USP37: variants seen among roughly 807,000 people sequenced by gnomAD.
USP37 encodes ubiquitin specific peptidase 37, also known as ubiquitin carboxyl-terminal hydrolase 37.
In USP37, 27 loss-of-function variants were observed where a neutral mutation model predicts 124.0. That is an observed-to-expected ratio of 0.22 (90% CI 0.16 to 0.30). The LOEUF is 0.30. Among genes scored for constraint, USP37 ranks in the 10% least tolerant of loss-of-function variants. USP37 has a pLI of 1.00. For synonymous variants in USP37, 365 were observed against 388.0 expected (o/e 0.94, Z 0.70); for missense variants, 889 against 1,140.4 (o/e 0.78, Z 3.17).
At chr2:218,536,689 A>G (rs1691666999) in intron 8 of USP37, among the ~76,000 whole-genome samples, 1 of 152,146 alleles carries the variant, frequency 6.6e-6, no homozygotes, top group African/African-American at 2.4e-5. Flanking sequence ...CTCTGGGAGT[A>G]CTTCCTTAGT....
chr2:218,567,163 T>G (rs1253380811), intron 1 of USP37, among the ~76,000 whole-genome samples: 1 of 152,080 alleles, frequency 6.6e-6, no homozygotes, highest in Non-Finnish European at 1.5e-5. Flanking sequence ...AAATACTCAT[T>G]TTACTTCATC....
In USP37 at chr2:218,458,938, C is replaced by T. The variant is rs111237655; in HGVS notation, c.2643+852G>A. ...GCAAATGAAATAAAAACTATACTTA[C>T]GACTTTTTAAAAAGTATACATGGAG... On this transcript the variant is annotated intron_variant, in intron 23 of 25. Transcript: ENST00000258399. Among the ~76,000 whole-genome samples the T allele has an allele frequency of 4.6e-3, 697 of 151,924 alleles. 2 individuals carry two copies. The highest frequency in any genetic ancestry group is 0.017 in the Middle Eastern group (5 of 294).
At position 218,547,364 on chromosome 2, in the gene USP37, CTA is replaced by C. The variant is rs1184471799; in HGVS notation, c.430-275_430-274del. Reference sequence around the variant, plus strand: ...AAAAAATACAAATGGAGATACATCTCTAGAGATTCTATTCTAGTTGATCTGCG... The same window carrying C: ...AAAAAATACAAATGGAGATACATCTCGAGATTCTATTCTAGTTGATCTGCG... On this transcript the variant is annotated intron_variant, in intron 6 of 25. Transcript: ENST00000258399. 3.3e-5 allele frequency among the ~76,000 whole-genome samples: 5 copies of C among 152,024 alleles called. No homozygotes were observed. The East Asian group carries it at 9.6e-4, about 29-fold the overall frequency.
At chr2:218,533,589 C>T (rs945294963) in intron 9 of USP37, among the ~76,000 whole-genome samples, 1 of 152,126 alleles carries the variant, frequency 6.6e-6, no homozygotes, top group Non-Finnish European at 1.5e-5. Flanking sequence ...ATTATAAAAG[C>T]TGAGAGACAA....
chr2:218,520,342 CA>C (rs767167730), intron 10 of USP37, among the ~76,000 whole-genome samples: 8 of 142,260 alleles, frequency 5.6e-5, no homozygotes, highest in Non-Finnish European at 9.2e-5. Context: ...ACCTTGCCAA[CA>C]GCTTTTTTTT....
At position 218,450,445 on chromosome 2, in the gene USP37, T is replaced by G. The variant is rs927581869; in HGVS notation, c.*4485A>C. On this transcript the variant is annotated 3_prime_UTR_variant, in exon 26 of 26. Transcript: ENST00000258399. Reference sequence around the variant, plus strand: ...CTCTGAACATAAAGAAAAAAAATCATCTCACAAATAATGTGGCCACAGCTG... The same window carrying G: ...CTCTGAACATAAAGAAAAAAAATCAGCTCACAAATAATGTGGCCACAGCTG... 1 of 152,602 alleles carries G rather than the reference T, an allele frequency of 6.6e-6. No individual in the cohort carries two copies. The highest frequency in any genetic ancestry group is 6.6e-5 in the Admixed American group (1 of 15,266). The allele number at this position is 152,602 out of a possible 1,614,324, so 9.5% of individuals were successfully genotyped here.
At chr2:218,547,973 T>C (rs530539312) in intron 6 of USP37, among the ~76,000 whole-genome samples, 9 of 152,362 alleles carry the variant, frequency 5.9e-5, no homozygotes, top group Non-Finnish European at 1.2e-4. Flanking sequence ...GATTTTTCTA[T>C]AGAAGTTATG....
intron 21 of USP37, among the ~76,000 whole-genome samples, chr2:218,465,500 G>A (rs1170854213): frequency 6.6e-6 from 1 of 152,140 alleles, no homozygotes; most frequent in African/African-American, 2.4e-5. Flanking sequence ...TCCTGTTTTA[G>A]CAAGCAATGA....
chr2:218,529,934 A>T (rs1483967388), intron 10 of USP37, 22 bp downstream of exon 10: 1 of 1,571,034 alleles, frequency 6.4e-7, no homozygotes, highest in South Asian at 1.2e-5. Context: ...AGTTTTTCAC[A>T]AGTAATATAA....
In USP37 at chr2:218,453,753, T is replaced by C. The variant is rs954018714; in HGVS notation, c.*1177A>G. On this transcript the variant is annotated 3_prime_UTR_variant, in exon 26 of 26. Coordinates refer to ENST00000258399, the MANE Select transcript of USP37 (RefSeq NM_020935.3). ...CTTTGTTATTTGTTAGTTTTTGGGA[T>C]TACCTAAGCCAATCACATTTTAATT... 6.6e-6 allele frequency: 1 copy of C among 152,224 alleles called. No homozygotes were observed. The highest frequency in any genetic ancestry group is 2.4e-5 in the African/African-American group (1 of 41,456). The allele number at this position is 152,224 out of a possible 1,614,324, so 9.4% of individuals were successfully genotyped here. A position where few individuals can be genotyped will look rare whatever the true frequency, so the allele number is the denominator to read the frequency against.
intron 23 of USP37, among the ~76,000 whole-genome samples, chr2:218,459,403 C>G (rs1689883620): frequency 6.6e-6 from 1 of 152,168 alleles, no homozygotes; most frequent in Non-Finnish European, 1.5e-5. Context: ...CAGGGTTTCA[C>G]CATGTTGGTC....
chr2:218,562,664 A>AT lies in USP37; in HGVS notation c.-89+8dup, dbSNP rs1457937346. On this transcript the variant is annotated intron_variant, in intron 2 of 25. Transcript: ENST00000258399. ...TGAAACATATATCCAAAACAAAAAC[A>AT]TTACTTACTTTTCAGTGACTTTTAC... The AT allele has an allele frequency of 7.5e-6, 3 of 398,334 alleles. No homozygotes were observed. The highest frequency in any genetic ancestry group is 6.2e-5 in the African/African-American group (3 of 48,608). 24.7% of individuals were successfully genotyped at this position (398,334 alleles called of 1,614,324 possible).
At chr2:218,537,734 A>C (rs1208816991) in intron 8 of USP37, among the ~76,000 whole-genome samples, 2 of 152,134 alleles carry the variant, frequency 1.3e-5, no homozygotes, top group African/African-American at 4.8e-5. Flanking sequence ...AGACAGGCTC[A>C]GTTGAGCCAA....
At chr2:218,521,563 T>A (rs1422384811) in intron 10 of USP37, among the ~76,000 whole-genome samples, 2 of 152,210 alleles carry the variant, frequency 1.3e-5, no homozygotes, top group East Asian at 3.9e-4. Flanking sequence ...ATTGTTCAAC[T>A]GCCACTTATG....
rs1306457609 is a variant in USP37, at chr2:218,495,827, T to C, written c.1405A>G (p.Arg469Gly). 2 of 1,614,064 alleles carry C rather than the reference T, an allele frequency of 1.2e-6. No individual in the cohort carries two copies. Among genetic ancestry groups the C allele is most frequent in the Non-Finnish European group, 1.7e-6 (2 of 1,180,046 alleles). ...GTAATAACAGGGCAAGTGTATGCTC[T>C]GGTAGCTGAAATATCTGGTGAATTT... The part of the protein sequence containing the change: ...EENSPDISAT[R>G]AYTCPVITNL... The change falls in exon 14 of 26, where the codon AGA (arginine) becomes GGA (glycine). Residue 469 changes from arginine to glycine, a missense_variant. Arg to Gly is a moderately radical substitution (Grantham distance 125). Around this residue, in one of 3 missense-constraint regions of USP37, gnomAD observed 504 missense variants for 714.3 expected, o/e 0.71. Coordinates refer to ENST00000258399, the MANE Select transcript of USP37 (RefSeq NM_020935.3).
intron 7 of USP37, 58 bp downstream of exon 7, chr2:218,546,861 A>T (rs1224684243): frequency 1.3e-6 from 2 of 1,553,940 alleles, no homozygotes; most frequent in Middle Eastern, 1.7e-4. Flanking sequence ...GGTATTTCTA[A>T]AAGGCCTAAA....
At chr2:218,527,441 G>A (rs549652959) in intron 10 of USP37, among the ~76,000 whole-genome samples, 2 of 152,218 alleles carry the variant, frequency 1.3e-5, no homozygotes, top group South Asian at 4.1e-4. Flanking sequence ...TCCCAATCTC[G>A]TGCTGGTTTG....
intron 10 of USP37, among the ~76,000 whole-genome samples, chr2:218,524,312 C>CT (rs1464703679): frequency 5.3e-5 from 8 of 152,164 alleles, no homozygotes; most frequent in African/African-American, 1.4e-4. Flanking sequence ...CTTGCCAAGA[C>CT]TAGTCTTGAA....
At chr2:218,475,695 A>C (rs1690930564) in intron 19 of USP37, among the ~76,000 whole-genome samples, 1 of 152,184 alleles carries the variant, frequency 6.6e-6, no homozygotes, top group Non-Finnish European at 1.5e-5. Flanking sequence ...ACACCACTGC[A>C]CTCCAGCCTG....
Sources: gnomAD v4.1 joint callset for allele counts (sites outside exome capture counted in the v4.1 genomes callset) on GRCh38, gnomAD v4.1.1 for gene constraint, gnomAD v4.1.1 regional missense constraint, MANE v1.5 for transcripts, NCBI Gene and HGNC (gene_info 2026-07-23, HGNC 2026-07-21) for gene names.